SERTAD1: variants seen among roughly 807,000 people sequenced by gnomAD.
SERTAD1 encodes the protein SERTA domain containing 1, also known as SERTA domain-containing protein 1.
A neutral mutation model predicts 11.7 loss-of-function variants in SERTAD1; 5 were observed. The observed-to-expected ratio is 0.43, with a 90% confidence interval of 0.22 to 0.90. SERTAD1 has a LOEUF of 0.90. Among genes scored for constraint, SERTAD1 ranks in the 40% least tolerant of loss-of-function variants. SERTAD1 has a pLI of 0.27. For synonymous variants in SERTAD1, 139 were observed against 141.4 expected (o/e 0.98, Z 0.12); for missense variants, 287 against 313.9 (o/e 0.91, Z 0.65).
At position 40,422,536 on chromosome 19, in the gene SERTAD1, A is replaced by G; in HGVS notation, c.*300T>C. 1 of 368,820 alleles carries G rather than the reference A, an allele frequency of 2.7e-6. No homozygotes were observed. The highest frequency in any genetic ancestry group is 4.2e-5 in the East Asian group (1 of 24,066). 22.8% of individuals were successfully genotyped at this position (368,820 alleles called of 1,614,324 possible). ...CCCAGGACTGGCTTTAATTTGAAAA[A>G]TCTGATTGGGGTCTCTTCCCGTATC... is the stretch of plus-strand genomic sequence containing the variant. On this transcript the variant is annotated 3_prime_UTR_variant, in exon 2 of 2. Coordinates refer to ENST00000357949, the MANE Select transcript of SERTAD1 (RefSeq NM_013376.4).
At chr19:40,424,675 G>A (rs1298995565) in intron 1 of SERTAD1, among the ~76,000 whole-genome samples, 1 of 152,182 alleles carries the variant, frequency 6.6e-6, no homozygotes, top group Non-Finnish European at 1.5e-5. Flanking sequence ...AGCCATGGGA[G>A]ACCCTGGGAA....
chr19:40,422,545 G>T lies in SERTAD1; in HGVS notation c.*291C>A. 1 of 382,912 alleles carries T rather than the reference G, an allele frequency of 2.6e-6. No individual in the cohort carries two copies. The highest frequency in any genetic ancestry group is 4.7e-6 in the Non-Finnish European group (1 of 213,710). The allele number at this position is 382,912 out of a possible 1,614,324, so 23.7% of individuals were successfully genotyped here. A position where few individuals can be genotyped will look rare whatever the true frequency, so the allele number is the denominator to read the frequency against. ...GGCTTTAATTTGAAAAATCTGATTG[G>T]GGTCTCTTCCCGTATCAGAGAAGGA... On this transcript the variant is annotated 3_prime_UTR_variant, in exon 2 of 2. Transcript: ENST00000357949.
Position 40,423,046 on chromosome 19 carries a change from G to A in SERTAD1, c.501C>T (p.Asp167=), listed in dbSNP as rs375289605. Residue 167 remains aspartate, a synonymous_variant, in exon 2 of 2, where the codon GAC becomes GAT. Coordinates refer to ENST00000357949, the MANE Select transcript of SERTAD1 (RefSeq NM_013376.4). ...LLGPATGCLL[D]DGLEGLFEDI... is the part of the protein sequence containing the mutation. ...CCTCAAACAGGCCCTCAAGCCCATC[G>A]TCCAGTAGACAGCCAGTGGCTGGGC... 2.0e-5 allele frequency: 31 copies of A among 1,577,622 alleles called. No homozygotes were observed. The highest frequency in any genetic ancestry group is 1.7e-4 in the Middle Eastern group (1 of 6,024).
Position 40,423,485 on chromosome 19 carries a change from A to C in SERTAD1, c.62T>G (p.Val21Gly). 1 of 1,612,762 alleles carries C rather than the reference A, an allele frequency of 6.2e-7. No homozygotes were observed. Among genetic ancestry groups the C allele is most frequent in the Non-Finnish European group, 8.5e-7 (1 of 1,179,942 alleles). ...GCCAGGATCTAGCCACCAGGAGTCGACTGCCAGAGGTTCCTTCTCCTCCTC... is the reference window on the plus strand; with the variant it reads ...GCCAGGATCTAGCCACCAGGAGTCGCCTGCCAGAGGTTCCTTCTCCTCCTC... Reference protein sequence around the residue: ...EEEEEKEPLAVDSWWLDPGHT... With the variant: ...EEEEEKEPLAGDSWWLDPGHT... The change falls in exon 2 of 2, where the codon GTC (valine) becomes GGC (glycine). Residue 21 changes from valine (V) to glycine (G), a missense_variant. Physicochemically the swap from Val to Gly is moderately radical, Grantham distance 109 (BLOSUM62 -3). Transcript: ENST00000357949.
chr19:40,423,802 T>C lies in SERTAD1; in HGVS notation c.1-256A>G, dbSNP rs144744047. Among the ~76,000 whole-genome samples the C allele has an allele frequency of 9.3e-3, 1,411 of 152,098 alleles. 30 individuals are homozygous for C. Among genetic ancestry groups the C allele is most frequent in the African/African-American group, 0.031 (1,300 of 41,488 alleles). The stretch of plus-strand genomic sequence containing the variant: ...AGTGTAATGCCGTGATCTCAGCTCA[T>C]TGCAACCTCTGCCTCACAGGTTCAA... On this transcript the variant is annotated intron_variant, in intron 1 of 1. Transcript: ENST00000357949.
In SERTAD1 at chr19:40,423,093, G is replaced by A. The variant is rs1380437111; in HGVS notation, c.454C>T (p.Leu152=). The A allele has an allele frequency of 1.9e-6, 3 of 1,593,080 alleles. No homozygotes were observed. Among genetic ancestry groups the A allele is most frequent in the East Asian group, 2.3e-5 (1 of 43,936 alleles). ...GRSIGGAAPS[L]GALDLLGPAT... ...GGGCCCAGCAGGTCCAAGGCACCCAGGCTGGGCGCTGCTCCCCCGATGCTA... is the reference window on the plus strand; with the variant it reads ...GGGCCCAGCAGGTCCAAGGCACCCAAGCTGGGCGCTGCTCCCCCGATGCTA... Residue 152 remains leucine, a synonymous_variant, in exon 2 of 2, where the codon CTG becomes TTG. Transcript: ENST00000357949.
In SERTAD1 at chr19:40,422,804, C is replaced by T. The variant is rs770491400; in HGVS notation, c.*32G>A. ...GTTGGTCCAGCCAGCAGGCTCAGTTCAGATACCAGACAACCATTCCAGCAC... is the reference window on the plus strand; with the variant it reads ...GTTGGTCCAGCCAGCAGGCTCAGTTTAGATACCAGACAACCATTCCAGCAC... On this transcript the variant is annotated 3_prime_UTR_variant, in exon 2 of 2. Transcript: ENST00000357949. 9.0e-6 allele frequency: 14 copies of T among 1,553,854 alleles called. No homozygotes were observed. The highest frequency in any genetic ancestry group is 1.2e-5 in the Non-Finnish European group (14 of 1,149,148).
rs756467050 is a variant in SERTAD1, at chr19:40,423,502, C to T, written c.45G>A (p.Glu15=). 1.3e-6 allele frequency: 2 copies of T among 1,589,218 alleles called. No homozygotes were observed. Among genetic ancestry groups the T allele is most frequent in the Non-Finnish European group, 1.7e-6 (2 of 1,165,004 alleles). ...GLKRKREEEE[E]KEPLAVDSWW... is the part of the protein sequence containing the mutation. ...AGGAGTCGACTGCCAGAGGTTCCTT[C>T]TCCTCCTCCTCCTCCCGTTTCCGCT... The change falls in exon 2 of 2, where the codon GAG becomes GAA. Residue 15 remains glutamate (E), a synonymous_variant. Transcript: ENST00000357949.
chr19:40,422,764 G>A lies in SERTAD1; in HGVS notation c.*72C>T. On this transcript the variant is annotated 3_prime_UTR_variant, in exon 2 of 2. Coordinates refer to ENST00000357949, the MANE Select transcript of SERTAD1 (RefSeq NM_013376.4). Reference sequence around the variant, plus strand: ...TCTCTGTACTAGGGAAGCCAGCTGTGTCTTTTCGAGGACAGTTGGTCCAGC... The same window carrying A: ...TCTCTGTACTAGGGAAGCCAGCTGTATCTTTTCGAGGACAGTTGGTCCAGC... The A allele has an allele frequency of 1.4e-6, 2 of 1,456,784 alleles. No individual in the cohort carries two copies. Among genetic ancestry groups the A allele is most frequent in the Non-Finnish European group, 1.8e-6 (2 of 1,096,646 alleles). 90.2% of individuals were successfully genotyped at this position (1,456,784 alleles called of 1,614,324 possible). A position where few individuals can be genotyped will look rare whatever the true frequency, so the allele number is the denominator to read the frequency against.
intron 1 of SERTAD1, 38 bp from the exon 2 acceptor site, chr19:40,423,584 A>G: frequency 7.5e-7 from 1 of 1,326,976 alleles, no homozygotes; most frequent in Non-Finnish European, 1.0e-6. Context: ...ATAGTCAGTT[A>G]TAGAAAACAA....
At chr19:40,424,142 C>G (rs1207156552) in intron 1 of SERTAD1, among the ~76,000 whole-genome samples, 2 of 151,990 alleles carry the variant, frequency 1.3e-5, no homozygotes, top group Non-Finnish European at 2.9e-5. Flanking sequence ...AACTCCTGGC[C>G]TGAAGCGATC....
intron 1 of SERTAD1, among the ~76,000 whole-genome samples, chr19:40,425,508 C>T (rs949999787): frequency 6.6e-6 from 1 of 152,188 alleles, no homozygotes; most frequent in Admixed American, 6.5e-5. Flanking sequence ...CCTTCTACTG[C>T]CCCGATTCCC....
At position 40,423,492 on chromosome 19, in the gene SERTAD1, G is replaced by C; in HGVS notation, c.55C>G (p.Leu19Val). The change falls in exon 2 of 2, where the codon CTG becomes GTG. Residue 19 changes from leucine to valine, a missense_variant. Physicochemically the swap from Leu to Val is conservative, Grantham distance 32. Transcript: ENST00000357949. ...TCTAGCCACCAGGAGTCGACTGCCA[G>C]AGGTTCCTTCTCCTCCTCCTCCTCC... ...KREEEEEKEP[L>V]AVDSWWLDPG... The C allele has an allele frequency of 6.2e-7, 1 of 1,612,598 alleles. No homozygotes were observed. The highest frequency in any genetic ancestry group is 2.2e-5 in the East Asian group (1 of 44,888).
At chr19:40,425,478 G>GC (rs988733415) in intron 1 of SERTAD1, among the ~76,000 whole-genome samples, 34 of 152,224 alleles carry the variant, frequency 2.2e-4, no homozygotes, top group African/African-American at 8.2e-4. Context: ...GGGGATTCTG[G>GC]CCCCTCTGAC....
intron 1 of SERTAD1, among the ~76,000 whole-genome samples, chr19:40,424,646 C>A (rs2079609908): frequency 6.6e-6 from 1 of 152,158 alleles, no homozygotes; most frequent in Admixed American, 6.6e-5. Flanking sequence ...TTGAATGGAG[C>A]CCTCAGGCCA....
rs1487442064 is a variant in SERTAD1 at position 40,422,016 on chromosome 19, A to G, written c.*820T>C. On this transcript the variant is annotated 3_prime_UTR_variant, in exon 2 of 2. Coordinates refer to ENST00000357949, the MANE Select transcript of SERTAD1 (RefSeq NM_013376.4). ...ATAAAAAATTAGTCGGTCCCAGCTA[A>G]TTGGGAGGCCGAGGCAGGAGAATCG... is the stretch of plus-strand genomic sequence containing the variant. 2.6e-5 allele frequency: 4 copies of G among 151,670 alleles called. No homozygotes were observed. 9.4% of individuals were successfully genotyped at this position (151,670 alleles called of 1,614,324 possible).
rs1170715016 is a variant in SERTAD1 at position 40,422,637 on chromosome 19, AG to A, written c.*198del. 2.1e-5 allele frequency: 12 copies of A among 582,944 alleles called. No homozygotes were observed. The highest frequency in any genetic ancestry group is 3.3e-5 in the Non-Finnish European group (11 of 337,694). 36.1% of individuals were successfully genotyped at this position (582,944 alleles called of 1,614,324 possible). On this transcript the variant is annotated 3_prime_UTR_variant, in exon 2 of 2. Coordinates refer to ENST00000357949, the MANE Select transcript of SERTAD1 (RefSeq NM_013376.4). ...CACCAGACCCTGTCATTCCATCACTAGGGGGTAATTCCAGGCTCCCCCTGCC... is the reference window on the plus strand; with the variant it reads ...CACCAGACCCTGTCATTCCATCACTAGGGGTAATTCCAGGCTCCCCCTGCC...
In SERTAD1 at chr19:40,423,227, G is replaced by A. The variant is rs759144744; in HGVS notation, c.320C>T (p.Ser107Leu). ...CATGGAGGCTGAAAGGGCAGCGTCC[G>A]AGCTTGCCAGTAAGTTGTCAGCCAC... is the stretch of plus-strand genomic sequence containing the variant. ...PSVADNLLAS[S>L]DAALSASMAS... Residue 107 changes from serine to leucine, a missense_variant, in exon 2 of 2, where the codon TCG (serine) becomes TTG (leucine). Physicochemically the swap from Ser to Leu is moderately radical, Grantham distance 145 (BLOSUM62 -2). Transcript: ENST00000357949. 6.2e-6 allele frequency: 10 copies of A among 1,604,480 alleles called. No homozygotes were observed. Among genetic ancestry groups the A allele is most frequent in the Admixed American group, 1.7e-5 (1 of 59,176 alleles).
At chr19:40,425,225 G>C (rs997009309) in intron 1 of SERTAD1, among the ~76,000 whole-genome samples, 6 of 152,142 alleles carry the variant, frequency 3.9e-5, no homozygotes, top group Non-Finnish European at 1.5e-5. Flanking sequence ...AGTGGCGGGG[G>C]TAGGGCTGGA....
Sources: gnomAD v4.1 joint callset for allele counts (sites outside exome capture counted in the v4.1 genomes callset) on GRCh38, gnomAD v4.1.1 for gene constraint, MANE v1.5 for transcripts, NCBI Gene and HGNC (gene_info 2026-07-23, HGNC 2026-07-21) for gene names.